Variants in FAM184B observed in about 807,000 individuals in gnomAD.
The protein encoded by FAM184B is protein FAM184B.
In FAM184B, 111 loss-of-function variants were observed where a neutral mutation model predicts 135.9. The ratio of observed to expected loss-of-function variants is 0.82; its 90% CI spans 0.70 to 0.96. The LOEUF is 0.96. Ranked by LOEUF, FAM184B falls within the 40% of genes least tolerant of loss-of-function variation. The pLI is 0.00. For missense variants in FAM184B, 1,375 were observed against 1,323.9 expected (o/e 1.04, Z -0.60); for synonymous variants, 552 against 524.8 (o/e 1.05, Z -0.71).
chr4:17,647,585 C>T (rs1715503910), intron 12 of FAM184B, 52 bp downstream of exon 12: 1 of 1,521,150 alleles, frequency 6.6e-7, no homozygotes, highest in Non-Finnish European at 8.9e-7. Flanking sequence ...TTACTGCGGC[C>T]CTGATGCTGC....
chr4:17,688,148 T>A (rs2108956102), intron 7 of FAM184B, among the ~76,000 whole-genome samples: 1 of 152,238 alleles, frequency 6.6e-6, no homozygotes, highest in African/African-American at 2.4e-5. Flanking sequence ...GCGCCCTTTA[T>A]CCTCCAGGCA....
rs971562214 is a variant in FAM184B, at chr4:17,631,800, T to C, written c.*732A>G. On this transcript the variant is annotated 3_prime_UTR_variant, in exon 18 of 18. Transcript: ENST00000265018. ...TGTTTAACTGTTATTTGTCTTCCTA[T>C]TGAGGTTAGATGTGCATTTTGGAAT... 6.6e-6 allele frequency: 1 copy of C among 152,160 alleles called. No individual in the cohort carries two copies. Among genetic ancestry groups the C allele is most frequent in the Non-Finnish European group, 1.5e-5 (1 of 68,038 alleles). The allele number at this position is 152,160 out of a possible 1,614,324, so 9.4% of individuals were successfully genotyped here.
chr4:17,780,918 C>T (rs1719020340), intron 1 of FAM184B, among the ~76,000 whole-genome samples: 2 of 152,324 alleles, frequency 1.3e-5, no homozygotes, highest in South Asian at 4.1e-4. Flanking sequence ...CACAGACCAC[C>T]TGCCCAGCCA....
intron 15 of FAM184B, among the ~76,000 whole-genome samples, chr4:17,636,210 A>AT (rs1294765340): frequency 2.0e-5 from 3 of 152,028 alleles, no homozygotes; most frequent in Admixed American, 6.6e-5. Flanking sequence ...GGTTCAAGTG[A>AT]TTCTCCTGCC....
At chr4:17,706,189 C>A (rs1312017982) in intron 3 of FAM184B, among the ~76,000 whole-genome samples, 1 of 152,174 alleles carries the variant, frequency 6.6e-6, no homozygotes. Flanking sequence ...CAAATATGTT[C>A]TTTTAATAGG....
intron 1 of FAM184B, among the ~76,000 whole-genome samples, chr4:17,711,726 C>T (rs556132081): frequency 6.6e-6 from 1 of 152,140 alleles, no homozygotes; most frequent in East Asian, 1.9e-4. Flanking sequence ...GGCCAAAATC[C>T]CTGAGAAGGG....
intron 1 of FAM184B, among the ~76,000 whole-genome samples, chr4:17,753,352 A>G (rs1300143424): frequency 1.3e-5 from 2 of 152,240 alleles, no homozygotes; most frequent in Non-Finnish European, 2.9e-5. Context: ...TGAACTTATA[A>G]GACCAAATTT....
chr4:17,632,458 G>C lies in FAM184B; in HGVS notation c.*74C>G. ...CATATTATTTGGTTGGTTGGTGTTA[G>C]TTCATTCCTTCAATCGGATGATTTA... On this transcript the variant is annotated 3_prime_UTR_variant, in exon 18 of 18. Coordinates refer to ENST00000265018, the MANE Select transcript of FAM184B (RefSeq NM_015688.2). 1 of 1,282,070 alleles carries C rather than the reference G, an allele frequency of 7.8e-7. No individual in the cohort carries two copies. Among genetic ancestry groups the C allele is most frequent in the Non-Finnish European group, 1.1e-6 (1 of 918,248 alleles). 79.4% of individuals were successfully genotyped at this position (1,282,070 alleles called of 1,614,324 possible).
intron 12 of FAM184B, among the ~76,000 whole-genome samples, chr4:17,643,648 C>A (rs576203058): frequency 1.3e-4 from 20 of 152,340 alleles, no homozygotes; most frequent in African/African-American, 4.3e-4. Context: ...AACCACTGGG[C>A]TAACCTGTGA....
chr4:17,691,699 A>G (rs1436822723), intron 6 of FAM184B, among the ~76,000 whole-genome samples: 1 of 149,084 alleles, frequency 6.7e-6, no homozygotes. Context: ...AAAAAAAAAA[A>G]AAAGAAAGGA....
At chr4:17,719,490 GA>G (rs917953735) in intron 1 of FAM184B, among the ~76,000 whole-genome samples, 1 of 151,958 alleles carries the variant, frequency 6.6e-6, no homozygotes, top group African/African-American at 2.4e-5. Flanking sequence ...CAAGACCACA[GA>G]AAAAAAGGGA....
rs545145125 is a variant in FAM184B, at chr4:17,644,084, G to A, written c.2347-1856C>T. Among the ~76,000 whole-genome samples, 25 of 152,290 alleles carry A rather than the reference G, an allele frequency of 1.6e-4. 1 individual carries two copies. Among genetic ancestry groups the A allele is most frequent in the Admixed American group, 3.3e-4 (5 of 15,296 alleles). ...CTCAGGCAGGAGGAGTGGCACAGGC[G>A]AAGGCCAAAGGGAGGGTGCAGATGC... is the stretch of plus-strand genomic sequence containing the variant. On this transcript the variant is annotated intron_variant, in intron 12 of 17. Coordinates refer to ENST00000265018, the MANE Select transcript of FAM184B (RefSeq NM_015688.2).
intron 11 of FAM184B, among the ~76,000 whole-genome samples, chr4:17,651,239 T>C (rs948357801): frequency 5.3e-5 from 8 of 151,954 alleles, no homozygotes; most frequent in Non-Finnish European, 1.0e-4. Flanking sequence ...GCATACAACA[T>C]TGAAATATTC....
intron 7 of FAM184B, among the ~76,000 whole-genome samples, chr4:17,673,812 A>G (rs954130579): frequency 1.4e-5 from 2 of 140,438 alleles, no homozygotes; most frequent in Non-Finnish European, 3.1e-5. Flanking sequence ...AACTGAGTGC[A>G]GTGTATATTG....
rs1715510527 is a variant in FAM184B at position 17,647,804 on chromosome 4, G to A, written c.2192-13C>T. On this transcript the variant is annotated splice_polypyrimidine_tract_variant and intron_variant, in intron 11 of 17. Transcript: ENST00000265018. Reference sequence around the variant, plus strand: ...TGTCTGAGCGACTCTGGAAAAGGGAGAGCAGCAGTGAGTTAGGCGTTGGGT... The same window carrying A: ...TGTCTGAGCGACTCTGGAAAAGGGAAAGCAGCAGTGAGTTAGGCGTTGGGT... 6.5e-7 allele frequency: 1 copy of A among 1,546,956 alleles called. No homozygotes were observed. Among genetic ancestry groups the A allele is most frequent in the Non-Finnish European group, 8.7e-7 (1 of 1,145,122 alleles).
At chr4:17,689,281 T>C (rs949135046) in intron 6 of FAM184B, among the ~76,000 whole-genome samples, 3 of 152,210 alleles carry the variant, frequency 2.0e-5, no homozygotes, top group Non-Finnish European at 2.9e-5. Flanking sequence ...ATTATGATGA[T>C]GATTAACCAA....
intron 1 of FAM184B, among the ~76,000 whole-genome samples, chr4:17,765,909 G>A (rs1437877164): frequency 6.6e-6 from 1 of 152,152 alleles, no homozygotes; most frequent in Non-Finnish European, 1.5e-5. Context: ...CTTCGCGGTG[G>A]TGAGTGTTAC....
At chr4:17,731,357 G>T (rs1717770400) in intron 1 of FAM184B, among the ~76,000 whole-genome samples, 1 of 152,164 alleles carries the variant, frequency 6.6e-6, no homozygotes, top group South Asian at 2.1e-4. Flanking sequence ...TGGGCTAAAT[G>T]CTCCAATTAA....
chr4:17,672,926 A>C (rs778731832), intron 7 of FAM184B, among the ~76,000 whole-genome samples: 1 of 152,156 alleles, frequency 6.6e-6, no homozygotes, highest in Admixed American at 6.6e-5. Context: ...CTCTTCCTCT[A>C]TCTTGCAGCA....
Sources: gnomAD v4.1 joint callset for allele counts (sites outside exome capture counted in the v4.1 genomes callset) on GRCh38, gnomAD v4.1.1 for gene constraint, MANE v1.5 for transcripts, NCBI Gene and HGNC (gene_info 2026-07-23, HGNC 2026-07-21) for gene names.